The following EIF4G3 variants were observed in gnomAD, a reference collection of about 807,000 sequenced individuals.
EIF4G3 encodes eIF-4-gamma 3.
A neutral mutation model predicts 186.4 loss-of-function variants in EIF4G3; 34 were observed. The observed-to-expected ratio is 0.18, with a 90% confidence interval of 0.14 to 0.24. The LOEUF (loss-of-function observed/expected upper bound fraction) is 0.24. Among genes scored for constraint, EIF4G3 ranks in the 10% least tolerant of loss-of-function variants. The pLI is 1.00. For synonymous variants in EIF4G3, 673 were observed against 679.5 expected (o/e 0.99, Z 0.15); for missense variants, 1,536 against 1,948.5 (o/e 0.79, Z 3.99).
intron 19 of EIF4G3, 36 bp downstream of exon 19, chr1:20,886,165 T>C: frequency 6.4e-7 from 1 of 1,574,194 alleles, no homozygotes; most frequent in Non-Finnish European, 8.6e-7. Flanking sequence ...ATCAATATAA[T>C]TTCAAAAGAA....
At chr1:21,024,379 T>A (rs1353140687) in intron 4 of EIF4G3, among the ~76,000 whole-genome samples, 1 of 152,146 alleles carries the variant, frequency 6.6e-6, no homozygotes, top group Non-Finnish European at 1.5e-5. Flanking sequence ...AGCCACCCCG[T>A]CTGGGAGGTG....
intron 19 of EIF4G3, among the ~76,000 whole-genome samples, chr1:20,885,172 G>A (rs1053284730): frequency 2.0e-5 from 3 of 152,176 alleles, no homozygotes; most frequent in African/African-American, 7.2e-5. Context: ...ACAGGCCACT[G>A]ACTGGTACTA....
Position 21,149,155 on chromosome 1 carries a change from CAA to C in EIF4G3, c.-272+27018_-272+27019del, listed in dbSNP as rs1160251102. 4.0e-5 allele frequency among the ~76,000 whole-genome samples: 6 copies of C among 150,748 alleles called. No individual in the cohort carries two copies. The South Asian group carries it at 8.4e-4, about 21-fold the overall frequency. On this transcript the variant is annotated intron_variant, in intron 2 of 36. Coordinates refer to ENST00000602326, the MANE Select transcript of EIF4G3 (RefSeq NM_001391906.1). Reference sequence around the variant, plus strand: ...ATATGTTAAAATAGGAAAAATAATACAAAGTTACATTTACAGTATGATTTGCA... The same window carrying C: ...ATATGTTAAAATAGGAAAAATAATACAGTTACATTTACAGTATGATTTGCA...
chr1:21,042,741 T>C (rs1192169188), intron 4 of EIF4G3, among the ~76,000 whole-genome samples: 2 of 152,154 alleles, frequency 1.3e-5, no homozygotes, highest in African/African-American at 4.8e-5. Context: ...TCCCTCAGAG[T>C]TCTGTCTGCT....
intron 4 of EIF4G3, among the ~76,000 whole-genome samples, chr1:21,007,515 T>TAAAAAAAAAAAAAC (rs2085459311): frequency 6.7e-5 from 1 of 14,872 alleles, no homozygotes; most frequent in Non-Finnish European, 2.0e-4. Context: ...GGCCCCTCCT[T>TAAAAAAAAAAAAAC]AAAAAAAAAA....
chr1:21,006,564 A>G (rs756257915), intron 4 of EIF4G3, among the ~76,000 whole-genome samples: 2 of 152,182 alleles, frequency 1.3e-5, no homozygotes, highest in Non-Finnish European at 2.9e-5. Flanking sequence ...AATGCTTTTT[A>G]TTTGTTGGGG....
chr1:20,851,095 T>C (rs2073144033), intron 28 of EIF4G3, among the ~76,000 whole-genome samples, 163 bp downstream of exon 28: 1 of 152,222 alleles, frequency 6.6e-6, no homozygotes, highest in African/African-American at 2.4e-5. Flanking sequence ...ACCTAGGGAA[T>C]GAGAACTGTT....
At chr1:21,079,505 A>AG (rs1455959771) in intron 3 of EIF4G3, among the ~76,000 whole-genome samples, 4 of 99,282 alleles carry the variant, frequency 4.0e-5, no homozygotes, top group Admixed American at 2.2e-4. Context: ...TTGTCTCTAC[A>AG]GAAAAAAAAA....
chr1:20,820,544 C>T (rs1047783758), intron 33 of EIF4G3, among the ~76,000 whole-genome samples: 2 of 152,198 alleles, frequency 1.3e-5, no homozygotes, highest in Non-Finnish European at 2.9e-5. Flanking sequence ...AGGCCCCACC[C>T]TCAGGCCAGG....
chr1:21,019,420 T>C (rs769069791), intron 4 of EIF4G3, among the ~76,000 whole-genome samples: 16 of 152,188 alleles, frequency 1.1e-4, no homozygotes, highest in Non-Finnish European at 1.9e-4. Flanking sequence ...ATATTCCACA[T>C]GAAACTCATA....
chr1:20,988,124 G>C (rs1347897885), intron 7 of EIF4G3, among the ~76,000 whole-genome samples: 1 of 152,222 alleles, frequency 6.6e-6, no homozygotes, highest in Non-Finnish European at 1.5e-5. Flanking sequence ...AGGTAAGAAA[G>C]CTACAGAAGA....
At chr1:20,835,665 T>G (rs2066534229) in intron 30 of EIF4G3, among the ~76,000 whole-genome samples, 1 of 152,052 alleles carries the variant, frequency 6.6e-6, no homozygotes, top group East Asian at 1.9e-4. Context: ...CATGGCCAGG[T>G]GCACTGCCTT....
intron 23 of EIF4G3, among the ~76,000 whole-genome samples, chr1:20,860,906 G>C (rs1044882147): frequency 1.3e-5 from 2 of 152,126 alleles, no homozygotes; most frequent in Non-Finnish European, 1.5e-5. Flanking sequence ...GGATTCCTTG[G>C]CCTTGCCTTA....
At chr1:20,889,258 C>A (rs1220177086) in intron 18 of EIF4G3, among the ~76,000 whole-genome samples, 1 of 152,048 alleles carries the variant, frequency 6.6e-6, no homozygotes, top group Non-Finnish European at 1.5e-5. Flanking sequence ...CAATATACAC[C>A]TAAATTTTTA....
chr1:20,939,055 C>T (rs991159589), intron 14 of EIF4G3, among the ~76,000 whole-genome samples: 6 of 147,712 alleles, frequency 4.1e-5, no homozygotes, highest in African/African-American at 5.0e-5. Flanking sequence ...TGCAGTGAGC[C>T]GAGATTGCAC....
intron 2 of EIF4G3, among the ~76,000 whole-genome samples, chr1:21,160,798 T>C (rs1239377933): frequency 6.6e-6 from 1 of 152,180 alleles, no homozygotes; most frequent in African/African-American, 2.4e-5. Context: ...ATTAGAATCC[T>C]GAAACAGAAA....
At chr1:21,108,012 G>C (rs757298016) in intron 2 of EIF4G3, among the ~76,000 whole-genome samples, 2 of 152,216 alleles carry the variant, frequency 1.3e-5, no homozygotes, top group African/African-American at 4.8e-5. Flanking sequence ...GCCAGGCGCA[G>C]TGGCGCACAC....
intron 12 of EIF4G3, among the ~76,000 whole-genome samples, chr1:20,962,054 T>G (rs559579720): frequency 1.7e-4 from 26 of 152,328 alleles, no homozygotes; most frequent in African/African-American, 6.3e-4. Flanking sequence ...GGAATGTAAC[T>G]ATTTACTGCA....
At chr1:21,098,088 T>C (rs2096419676) in intron 2 of EIF4G3, among the ~76,000 whole-genome samples, 1 of 151,998 alleles carries the variant, frequency 6.6e-6, no homozygotes, top group Non-Finnish European at 1.5e-5. Context: ...CTACAAAATA[T>C]TTTTTAAAAA....
Sources: gnomAD v4.1 joint callset for allele counts (sites outside exome capture counted in the v4.1 genomes callset) on GRCh38, gnomAD v4.1.1 for gene constraint, MANE v1.5 for transcripts, NCBI Gene and HGNC (gene_info 2026-07-23, HGNC 2026-07-21) for gene names.